The following ADCY10 variants were observed in gnomAD, a reference collection of about 807,000 sequenced individuals.
ADCY10 encodes adenylate cyclase type 10.
ADCY10 carries 156 observed loss-of-function variants against 183.3 expected under a neutral mutation model. That is an observed-to-expected ratio of 0.85 (90% CI 0.75 to 0.97). ADCY10 has a LOEUF of 0.97. ADCY10 is among the 50% of genes least tolerant of loss of function. ADCY10 has a pLI of 0.00. For synonymous variants in ADCY10, 645 were observed against 670.0 expected, an observed-to-expected ratio of 0.96 and a Z score of 0.58; for missense variants, 1,745 against 1,934.3, an observed-to-expected ratio of 0.90 and a Z score of 1.84.
intron 25 of ADCY10, among the ~76,000 whole-genome samples, chr1:167,832,157 A>T (rs1663784507): frequency 6.6e-6 from 1 of 152,212 alleles, no homozygotes; most frequent in African/African-American, 2.4e-5. Flanking sequence ...ACCTATAGTA[A>T]TATAGCTACA....
At chr1:167,823,155 A>C in intron 28 of ADCY10, 32 bp from the exon 29 acceptor site, 1 of 1,589,646 alleles carries the variant, frequency 6.3e-7, no homozygotes, top group Middle Eastern at 1.7e-4. Flanking sequence ...GGCCATTAAA[A>C]AGTGGTGGAT....
intron 21 of ADCY10, among the ~76,000 whole-genome samples, chr1:167,843,188 A>G (rs1664779610): frequency 6.6e-6 from 1 of 152,222 alleles, no homozygotes. Flanking sequence ...AAATCTGCAA[A>G]TAACTGAAAT....
chr1:167,889,821 T>C (rs1425831014), intron 8 of ADCY10, among the ~76,000 whole-genome samples: 1 of 152,232 alleles, frequency 6.6e-6, no homozygotes, highest in African/African-American at 2.4e-5. Context: ...TTTATTGGCA[T>C]ATAATTGCTC....
At chr1:167,904,879 G>T in intron 2 of ADCY10, 114 bp downstream of exon 2, 1 of 1,404,554 alleles carries the variant, frequency 7.1e-7, no homozygotes, top group Non-Finnish European at 1.0e-6. Context: ...CATCTGCTGT[G>T]ACAGCCCAAG....
chr1:167,902,708 C>T (rs890577884), intron 3 of ADCY10, among the ~76,000 whole-genome samples: 1 of 152,170 alleles, frequency 6.6e-6, no homozygotes, highest in South Asian at 2.1e-4. Context: ...AACTCAGAGT[C>T]TGATAAAACA....
intron 32 of ADCY10, 142 bp downstream of exon 32, chr1:167,810,583 T>C (rs1662138405): frequency 2.5e-6 from 2 of 792,214 alleles, no homozygotes; most frequent in Non-Finnish European, 2.1e-6. Context: ...AACTGAGCAG[T>C]AGGTTTCTAT....
At chr1:167,911,729 T>C (rs1421428255) in intron 1 of ADCY10, among the ~76,000 whole-genome samples, 2 of 152,240 alleles carry the variant, frequency 1.3e-5, no homozygotes, top group African/African-American at 2.4e-5. Flanking sequence ...TAAATAAATT[T>C]ATGTTCAAGT....
At chr1:167,836,985 A>G (rs1664255566) in intron 22 of ADCY10, 1 of 442,490 alleles carries the variant, frequency 2.3e-6, no homozygotes, top group Admixed American at 3.4e-5. Flanking sequence ...AGATTGTGGC[A>G]TTGCACTCCA....
intron 21 of ADCY10, among the ~76,000 whole-genome samples, chr1:167,844,551 T>G (rs1162731949): frequency 6.6e-6 from 1 of 152,156 alleles, no homozygotes; most frequent in Non-Finnish European, 1.5e-5. Context: ...TGATGGCAGA[T>G]TGAATAAAGC....
Position 167,860,901 on chromosome 1 carries a change from G to A in ADCY10, c.1779C>T (p.Tyr593=). The A allele has an allele frequency of 6.2e-7, 1 of 1,614,132 alleles. No individual in the cohort carries two copies. The highest frequency in any genetic ancestry group is 8.5e-7 in the Non-Finnish European group (1 of 1,179,988). The change falls in exon 15 of 33, where the codon TAC becomes TAT. Residue 593 remains tyrosine, a synonymous_variant. Coordinates refer to ENST00000367851, the MANE Select transcript of ADCY10 (RefSeq NM_018417.6). The part of the protein sequence containing the change: ...KVMTLLDEKF[Y]CLLNDIFHVQ... ...CATGGAAAATGTCATTAAGAAGACA[G>A]TAGAACTTTTCATCCAACAGTGTCA...
intron 5 of ADCY10, among the ~76,000 whole-genome samples, chr1:167,900,257 T>C (rs1296492231): frequency 1.3e-5 from 2 of 152,230 alleles, no homozygotes; most frequent in Non-Finnish European, 2.9e-5. Flanking sequence ...TGTTTATTTT[T>C]TATCTTCGCT....
In ADCY10 at chr1:167,902,063, A is replaced by G; in HGVS notation, c.254-9T>C. The G allele has an allele frequency of 1.9e-6, 3 of 1,611,360 alleles. No homozygotes were observed. The highest frequency in any genetic ancestry group is 2.5e-6 in the Non-Finnish European group (3 of 1,178,284). On this transcript the variant is annotated splice_polypyrimidine_tract_variant and intron_variant, in intron 3 of 32. Coordinates refer to ENST00000367851, the MANE Select transcript of ADCY10 (RefSeq NM_018417.6). ...TCCAAAAATCAACACTTCTGAGAAA[A>G]AAAAAAAAAATTAAATCAAACCCTG...
At chr1:167,814,713 T>A (rs61806964) in intron 31 of ADCY10, among the ~76,000 whole-genome samples, 28,542 of 151,496 alleles carry the variant, frequency 0.19, 3,237 homozygotes, top group African/African-American at 0.33. Context: ...ATGAAGAGAG[T>A]TATGGAGATG....
At chr1:167,848,957 C>T (rs1418733202) in intron 18 of ADCY10, among the ~76,000 whole-genome samples, 1 of 152,100 alleles carries the variant, frequency 6.6e-6, no homozygotes, top group Non-Finnish European at 1.5e-5. Context: ...AAACCTTATT[C>T]TAAGTAAAAC....
intron 18 of ADCY10, among the ~76,000 whole-genome samples, chr1:167,852,230 G>A (rs1665550599): frequency 6.6e-6 from 1 of 152,094 alleles, no homozygotes; most frequent in Admixed American, 6.5e-5. Context: ...ATCACTTGAG[G>A]TCAGGAGTTC....
At chr1:167,896,768 AAGAG>A (rs1300921750) in intron 6 of ADCY10, 77 bp from the exon 7 acceptor site, 3 of 1,019,832 alleles carry the variant, frequency 2.9e-6, no homozygotes, top group Middle Eastern at 3.0e-4. Flanking sequence ...TCTTAGCAGA[AAGAG>A]AGTATGCTTT....
In ADCY10 at chr1:167,878,632, AT is replaced by A. The variant is rs1321691810; in HGVS notation, c.1219del (p.Ile407LeufsTer7). The A allele has an allele frequency of 6.2e-7, 1 of 1,613,900 alleles. No individual in the cohort carries two copies. Among genetic ancestry groups the A allele is most frequent in the African/African-American group, 1.3e-5 (1 of 75,042 alleles). On this transcript the variant is annotated frameshift_variant and splice_region_variant, in exon 12 of 33. Transcript: ENST00000367851. LOFTEE classifies it high-confidence loss of function. The stretch of plus-strand genomic sequence containing the variant: ...GGCAGCTAAGTTGACTTTTTGACCA[AT>A]GACTATAGCAAGAAAGAGAAAGTCA... ...GHTVRHEYTV[I>X]GQKVNLAARM...
chr1:167,910,490 G>A (rs1411954645), intron 1 of ADCY10, among the ~76,000 whole-genome samples: 1 of 152,140 alleles, frequency 6.6e-6, no homozygotes, highest in Admixed American at 6.5e-5. Flanking sequence ...CTAAGTGGGG[G>A]ACATGGGTGT....
At chr1:167,823,386 C>G (rs1475094890) in intron 28 of ADCY10, among the ~76,000 whole-genome samples, 1 of 141,580 alleles carries the variant, frequency 7.1e-6, no homozygotes, top group Non-Finnish European at 1.5e-5. Context: ...TAACGCACCA[C>G]TGCACTCCAG....
Sources: allele counts gnomAD v4.1 joint callset (sites outside exome capture counted in the v4.1 genomes callset), GRCh38; gene constraint gnomAD v4.1.1; transcripts MANE v1.5; gene names NCBI Gene and HGNC (gene_info 2026-07-23, HGNC 2026-07-21).